Variants in NARS2 observed in about 807,000 individuals in gnomAD.
NARS2 encodes asparaginyl-tRNA synthetase 2, mitochondrial, also known as asparaginyl-tRNA synthetase.
Under a neutral mutation model 62.9 loss-of-function variants are expected in NARS2, and 60 were observed. That is an observed-to-expected ratio of 0.95 (90% CI 0.77 to 1.18). The LOEUF is 1.18. NARS2 is among the 50% of genes most tolerant of loss of function. The pLI, the probability that NARS2 is intolerant of heterozygous loss-of-function variation, is 0.00. For synonymous variants in NARS2, 196 were observed against 200.0 expected (o/e 0.98, Z 0.17); for missense variants, 619 against 576.4 (o/e 1.07, Z -0.76).
chr11:78,521,058 CCAA>C (rs1861100041), intron 6 of NARS2, among the ~76,000 whole-genome samples: 4 of 47,204 alleles, frequency 8.5e-5, no homozygotes, highest in Admixed American at 2.0e-4. Flanking sequence ...GACTCTGTCT[CCAA>C]AAAAAAAAAA....
At chr11:78,438,401 C>G (rs1381278687) in intron 13 of NARS2, among the ~76,000 whole-genome samples, 2 of 152,104 alleles carry the variant, frequency 1.3e-5, no homozygotes, top group Non-Finnish European at 2.9e-5. Context: ...GGAAAGAGTA[C>G]ACTTTGACTC....
intron 6 of NARS2, among the ~76,000 whole-genome samples, chr11:78,494,875 T>C (rs74642669): frequency 1.3e-5 from 2 of 152,132 alleles, no homozygotes; most frequent in East Asian, 3.8e-4. Context: ...TCTGTTAATC[T>C]CAGTTAATCC....
intron 11 of NARS2, among the ~76,000 whole-genome samples, chr11:78,458,449 A>G (rs1357710375): frequency 6.6e-6 from 1 of 151,978 alleles, no homozygotes; most frequent in Non-Finnish European, 1.5e-5. Context: ...CAAAAAGATT[A>G]GGTGGCATAT....
At chr11:78,520,850 G>A (rs976026397) in intron 6 of NARS2, among the ~76,000 whole-genome samples, 1 of 152,126 alleles carries the variant, frequency 6.6e-6, no homozygotes, top group Non-Finnish European at 1.5e-5. Flanking sequence ...GAGGTCAGGA[G>A]TTCGAGAACA....
intron 11 of NARS2, among the ~76,000 whole-genome samples, chr11:78,447,191 A>G (rs186768500): frequency 5.2e-4 from 79 of 151,426 alleles, no homozygotes; most frequent in Non-Finnish European, 8.8e-4. Context: ...TCCTACATTT[A>G]TATTTTTAAA....
intron 11 of NARS2, among the ~76,000 whole-genome samples, chr11:78,456,961 C>T (rs1163689106): frequency 6.6e-6 from 1 of 152,154 alleles, no homozygotes. Flanking sequence ...TGAAGAAAAA[C>T]TTAGGCTACA....
chr11:78,460,298 A>ATTTTTT, intron 11 of NARS2, among the ~76,000 whole-genome samples: 1 of 148,842 alleles, frequency 6.7e-6, no homozygotes. Context: ...ATGGGGATGG[A>ATTTTTT]GTCTCATTAT....
At chr11:78,483,690 A>G (rs1859452421) in intron 7 of NARS2, among the ~76,000 whole-genome samples, 1 of 152,198 alleles carries the variant, frequency 6.6e-6, no homozygotes, top group African/African-American at 2.4e-5. Context: ...AAGGGATGTG[A>G]AGGACCTCTT....
chr11:78,549,647 T>C (rs1856019112), intron 5 of NARS2, among the ~76,000 whole-genome samples: 1 of 152,316 alleles, frequency 6.6e-6, no homozygotes, highest in East Asian at 1.9e-4. Flanking sequence ...TAAATTTGAT[T>C]GGATCAGTTT....
chr11:78,554,409 A>G (rs1422643186), intron 5 of NARS2, among the ~76,000 whole-genome samples: 1 of 151,616 alleles, frequency 6.6e-6, no homozygotes, highest in Non-Finnish European at 1.5e-5. Flanking sequence ...ATATTTTTCC[A>G]TTTGTTTGTA....
intron 5 of NARS2, among the ~76,000 whole-genome samples, chr11:78,536,614 A>G (rs995548145): frequency 6.6e-6 from 1 of 152,148 alleles, no homozygotes; most frequent in African/African-American, 2.4e-5. Flanking sequence ...TACTCATACA[A>G]CGTGTTTTAA....
chr11:78,537,769 G>A (rs1293316391), intron 5 of NARS2, among the ~76,000 whole-genome samples: 1 of 152,230 alleles, frequency 6.6e-6, no homozygotes, highest in Non-Finnish European at 1.5e-5. Context: ...CTGCACTGCA[G>A]CCTTGGCAAC....
chr11:78,469,440 G>T, intron 9 of NARS2, 127 bp from the exon 10 acceptor site: 1 of 678,084 alleles, frequency 1.5e-6, no homozygotes. Flanking sequence ...AGGAATTAAG[G>T]CTGATCTAAT....
chr11:78,448,503 C>G (rs976505975), intron 11 of NARS2, among the ~76,000 whole-genome samples: 1 of 151,966 alleles, frequency 6.6e-6, no homozygotes, highest in Admixed American at 6.5e-5. Flanking sequence ...GTCGGCCAGG[C>G]TGGTCTTGAA....
intron 13 of NARS2, among the ~76,000 whole-genome samples, chr11:78,438,912 G>T (rs1347942452): frequency 6.6e-6 from 1 of 151,868 alleles, no homozygotes; most frequent in Non-Finnish European, 1.5e-5. Context: ...AGATCTTAAG[G>T]ATCTGAAAAC....
At chr11:78,554,508 C>CGTGTGTGTATGTGTGT (rs1555041427) in intron 5 of NARS2, among the ~76,000 whole-genome samples, 1 of 146,914 alleles carries the variant, frequency 6.8e-6, no homozygotes, top group African/African-American at 2.5e-5. Flanking sequence ...GGCGTGTGTG[C>CGTGTGTGTATGTGTGT]GTGTGTGTGT....
intron 6 of NARS2, among the ~76,000 whole-genome samples, chr11:78,493,532 C>G (rs1042436831): frequency 2.6e-5 from 4 of 152,050 alleles, no homozygotes; most frequent in Admixed American, 6.6e-5. Flanking sequence ...ATGGCCTGTG[C>G]CTATAGGTCC....
At chr11:78,573,037 G>C (rs1856987234) in intron 1 of NARS2, 1 of 152,130 alleles carries the variant, frequency 6.6e-6, no homozygotes, top group African/African-American at 2.4e-5. Flanking sequence ...ATTTTCTCTT[G>C]ACTAGCACAC....
At chr11:78,510,313 AAG>A (rs1346995568) in intron 6 of NARS2, among the ~76,000 whole-genome samples, 1 of 152,184 alleles carries the variant, frequency 6.6e-6, no homozygotes, top group Non-Finnish European at 1.5e-5. Context: ...TAGGAGACAA[AAG>A]AGAGCACGGG....
Sources: allele counts gnomAD v4.1 joint callset (sites outside exome capture counted in the v4.1 genomes callset), GRCh38; gene constraint gnomAD v4.1.1; transcripts MANE v1.5; gene names NCBI Gene and HGNC (gene_info 2026-07-23, HGNC 2026-07-21).